The following CNOT2 variants were observed in gnomAD, a reference collection of about 807,000 sequenced individuals.
CNOT2 encodes CC chemokine receptor 4-negative regulator of transcription 2.
A neutral mutation model predicts 72.1 loss-of-function variants in CNOT2; 7 were observed. The observed-to-expected ratio is 0.10, with a 90% CI of 0.06 to 0.18. The LOEUF (loss-of-function observed/expected upper bound fraction) is 0.18. CNOT2 is among the 10% of genes least tolerant of loss of function. The probability of loss-of-function intolerance (pLI) is 1.00; values close to 1 mark genes in which losing one functional copy is unlikely to be tolerated. For synonymous variants in CNOT2, 196 were observed against 225.6 expected (o/e 0.87, Z 1.17); for missense variants, 345 against 660.3 (o/e 0.52, Z 5.23).
chr12:70,291,664 G>A (rs992777242), intron 2 of CNOT2, among the ~76,000 whole-genome samples: 1 of 152,176 alleles, frequency 6.6e-6, no homozygotes, highest in African/African-American at 2.4e-5. Flanking sequence ...TAGGCCAGGC[G>A]TGGTGGCTCA....
chr12:70,311,766 A>G lies in CNOT2; in HGVS notation c.171+749A>G, dbSNP rs550708665. Among the ~76,000 whole-genome samples, 12 of 152,028 alleles carry G rather than the reference A, an allele frequency of 7.9e-5. No homozygotes were observed. The East Asian group carries it at 2.3e-3, about 29-fold the overall frequency. ...TTTGTACACCTGCCCAGCTTTTTTT[A>G]CCTTTCACACTTTATAAACTTGCTA... On this transcript the variant is annotated intron_variant, in intron 3 of 15. Transcript: ENST00000229195.
chr12:70,323,012 A>C (rs945788030), intron 4 of CNOT2: 1 of 151,738 alleles, frequency 6.6e-6, no homozygotes, highest in Admixed American at 6.6e-5. Context: ...AAAAGATACC[A>C]TGTGCAGAAT....
At chr12:70,293,033 T>C (rs958618366) in intron 2 of CNOT2, among the ~76,000 whole-genome samples, 1 of 152,196 alleles carries the variant, frequency 6.6e-6, no homozygotes, top group Non-Finnish European at 1.5e-5. Context: ...ATTGAACAGA[T>C]GTCTTAAATA....
chr12:70,305,878 T>TTTTG (rs1555198865), intron 2 of CNOT2, among the ~76,000 whole-genome samples: 4 of 147,474 alleles, frequency 2.7e-5, no homozygotes, highest in Non-Finnish European at 6.0e-5. Flanking sequence ...AGTTTGTTTT[T>TTTTG]TTTTTTTTTT....
intron 2 of CNOT2, among the ~76,000 whole-genome samples, chr12:70,288,963 T>C (rs554961145): frequency 6.6e-6 from 1 of 152,228 alleles, no homozygotes; most frequent in Non-Finnish European, 1.5e-5. Context: ...TCTCTTTTTC[T>C]TCCCATCTTT....
intron 14 of CNOT2, chr12:70,344,903 CATT>C (rs540146431): frequency 3.3e-5 from 5 of 152,244 alleles, no homozygotes; most frequent in East Asian, 1.9e-4. Flanking sequence ...ATTTCATAAA[CATT>C]ATTACTTATA....
intron 1 of CNOT2, among the ~76,000 whole-genome samples, chr12:70,267,414 A>G (rs983203813): frequency 6.6e-6 from 1 of 152,062 alleles, no homozygotes; most frequent in Non-Finnish European, 1.5e-5. Context: ...TCTGTACTTA[A>G]TCGCTCCTTT....
At position 70,353,994 on chromosome 12, in the gene CNOT2, G is replaced by A; in HGVS notation, c.*79G>A. 2.6e-6 allele frequency: 4 copies of A among 1,513,874 alleles called. No individual in the cohort carries two copies. Among genetic ancestry groups the A allele is most frequent in the Non-Finnish European group, 3.5e-6 (4 of 1,136,672 alleles). The allele number at this position is 1,513,874 out of a possible 1,614,324, so 93.8% of individuals were successfully genotyped here. A position where few individuals can be genotyped will look rare whatever the true frequency, so the allele number is the denominator to read the frequency against. On this transcript the variant is annotated 3_prime_UTR_variant, in exon 16 of 16. Transcript: ENST00000229195. ...CAGCACAATACTCAACATAACTGCAGAACTGATGTGGCTCAGGCACCCTGG... is the reference window on the plus strand; with the variant it reads ...CAGCACAATACTCAACATAACTGCAAAACTGATGTGGCTCAGGCACCCTGG...
intron 1 of CNOT2, among the ~76,000 whole-genome samples, chr12:70,245,202 G>A (rs879933558): frequency 6.6e-6 from 1 of 152,044 alleles, no homozygotes; most frequent in Non-Finnish European, 1.5e-5. Flanking sequence ...TCTGTATGTT[G>A]AATTTGTTTA....
chr12:70,284,603 A>T (rs1276200209), intron 2 of CNOT2, among the ~76,000 whole-genome samples: 1 of 126,320 alleles, frequency 7.9e-6, no homozygotes, highest in Admixed American at 9.3e-5. Context: ...TTTGGCATTC[A>T]TGGCTTCTCT....
intron 2 of CNOT2, among the ~76,000 whole-genome samples, chr12:70,297,347 CTG>C (rs1593158161): frequency 1.3e-5 from 2 of 152,220 alleles, no homozygotes; most frequent in East Asian, 1.9e-4. Flanking sequence ...ACTACAAACT[CTG>C]TAGCTGGGAG....
intron 2 of CNOT2, among the ~76,000 whole-genome samples, chr12:70,297,024 T>G (rs1426528674): frequency 1.3e-5 from 2 of 152,184 alleles, no homozygotes. Context: ...CTAGATTATC[T>G]TCAGGTATTA....
intron 3 of CNOT2, among the ~76,000 whole-genome samples, chr12:70,316,200 T>C (rs1429306932): frequency 1.3e-5 from 2 of 152,206 alleles, no homozygotes; most frequent in Non-Finnish European, 2.9e-5. Flanking sequence ...TCTTTTTACT[T>C]GTGCTGCATC....
At chr12:70,312,222 T>C (rs1385300118) in intron 3 of CNOT2, among the ~76,000 whole-genome samples, 1 of 151,990 alleles carries the variant, frequency 6.6e-6, no homozygotes, top group African/African-American at 2.4e-5. Context: ...AATTGAATTA[T>C]TATTTACACA....
intron 7 of CNOT2, 95 bp from the exon 8 acceptor site, chr12:70,335,343 G>A (rs1275010074): frequency 2.3e-6 from 2 of 885,968 alleles, no homozygotes; most frequent in East Asian, 2.5e-5. Flanking sequence ...TTAGGAAGAA[G>A]GCGCAATCAT....
chr12:70,331,357 T>TA (rs549865169), intron 6 of CNOT2: 158 of 152,078 alleles, frequency 1.0e-3, no homozygotes, highest in Non-Finnish European at 1.5e-3. Context: ...TTTTAAATTT[T>TA]AAAAAACTTA....
intron 1 of CNOT2, among the ~76,000 whole-genome samples, chr12:70,254,163 G>T (rs1419886758): frequency 1.3e-5 from 2 of 151,506 alleles, no homozygotes; most frequent in Non-Finnish European, 2.9e-5. Flanking sequence ...GCTTGAACCC[G>T]GGAGGTGGAG....
chr12:70,246,498 A>C (rs1247500893), intron 1 of CNOT2, among the ~76,000 whole-genome samples: 1 of 152,202 alleles, frequency 6.6e-6, no homozygotes, highest in African/African-American at 2.4e-5. Flanking sequence ...GTGGAATTAC[A>C]TACAGTGTTA....
chr12:70,246,358 C>G (rs75843668), intron 1 of CNOT2, among the ~76,000 whole-genome samples: 11,809 of 152,136 alleles, frequency 0.078, 572 homozygotes, highest in Admixed American at 0.15. Flanking sequence ...AATATACCAC[C>G]AAACATTTAT....
Sources: gnomAD v4.1 joint callset for allele counts (sites outside exome capture counted in the v4.1 genomes callset) on GRCh38, gnomAD v4.1.1 for gene constraint, MANE v1.5 for transcripts, NCBI Gene and HGNC (gene_info 2026-07-23, HGNC 2026-07-21) for gene names.